The following NEGR1 variants were observed in gnomAD, a reference collection of about 807,000 sequenced individuals.
The protein encoded by NEGR1 is IgLON family member 4.
In NEGR1, 10 loss-of-function variants were observed where a neutral mutation model predicts 40.9. The observed-to-expected ratio is 0.24, with a 90% CI of 0.15 to 0.42. The LOEUF (loss-of-function observed/expected upper bound fraction) is 0.42, where lower values mean the gene tolerates loss of function less well. Ranked by LOEUF, NEGR1 falls within the 10% of genes least tolerant of loss-of-function variation. NEGR1 has a pLI of 1.00. For missense variants in NEGR1, 352 were observed against 438.9 expected (o/e 0.80, Z 1.77); for synonymous variants, 185 against 166.8 (o/e 1.11, Z -0.84).
intron 4 of NEGR1, among the ~76,000 whole-genome samples, chr1:71,646,225 T>C (rs915810880): frequency 4.0e-5 from 6 of 151,776 alleles, no homozygotes; most frequent in Non-Finnish European, 8.8e-5. Flanking sequence ...CATAAACACA[T>C]ATATATACAT....
chr1:71,834,561 G>A (rs1027920998), intron 2 of NEGR1, among the ~76,000 whole-genome samples: 1 of 151,384 alleles, frequency 6.6e-6, no homozygotes, highest in African/African-American at 2.4e-5. Context: ...GGCTCCACTG[G>A]ATATTATACT....
At chr1:71,445,781 C>T (rs1020790529) in intron 6 of NEGR1, among the ~76,000 whole-genome samples, 1 of 152,144 alleles carries the variant, frequency 6.6e-6, no homozygotes, top group Non-Finnish European at 1.5e-5. Context: ...AGAAGGCCAG[C>T]GGTCAAGTAC....
At chr1:71,873,852 G>A (rs1335989034) in intron 2 of NEGR1, among the ~76,000 whole-genome samples, 1 of 152,122 alleles carries the variant, frequency 6.6e-6, no homozygotes, top group Non-Finnish European at 1.5e-5. Flanking sequence ...AATCTCATCT[G>A]TATGACAGAA....
At chr1:71,701,202 C>G (rs1653680389) in intron 3 of NEGR1, among the ~76,000 whole-genome samples, 1 of 151,990 alleles carries the variant, frequency 6.6e-6, no homozygotes. Flanking sequence ...AAAATTAACA[C>G]AGTGTCTCAC....
intron 1 of NEGR1, among the ~76,000 whole-genome samples, chr1:71,968,155 G>T (rs1646225601): frequency 6.6e-6 from 1 of 152,032 alleles, no homozygotes; most frequent in Non-Finnish European, 1.5e-5. Context: ...TTTCCCTTCA[G>T]AAATGTAAAT....
At chr1:71,745,376 A>G (rs1050515338) in intron 3 of NEGR1, among the ~76,000 whole-genome samples, 1 of 152,158 alleles carries the variant, frequency 6.6e-6, no homozygotes, top group African/African-American at 2.4e-5. Context: ...AAAAACCCTG[A>G]GTTTTATAGT....
chr1:71,423,315 A>G (rs1005626514), intron 6 of NEGR1, among the ~76,000 whole-genome samples: 1 of 152,174 alleles, frequency 6.6e-6, no homozygotes, highest in African/African-American at 2.4e-5. Flanking sequence ...GGATTGCTTG[A>G]GCCCAGGAGG....
rs1553122231 is a variant in NEGR1, at chr1:71,928,365, C to CACATGTGTATATACGTAT, written c.409+6713_409+6714insATACGTATATACACATGT. On this transcript the variant is annotated intron_variant, in intron 2 of 6. Coordinates refer to ENST00000357731, the MANE Select transcript of NEGR1 (RefSeq NM_173808.3). ...ACACACATGTGTATATATATATACA[C>CACATGTGTATATACGTAT]ATATGTATATATGTATATATACACA... Among the ~76,000 whole-genome samples the CACATGTGTATATACGTAT allele has an allele frequency of 2.7e-5, 2 of 74,996 alleles. 1 individual carries two copies. Among genetic ancestry groups the CACATGTGTATATACGTAT allele is most frequent in the African/African-American group, 1.2e-4 (2 of 17,356 alleles). The allele number at this position is 74,996 out of a possible 152,430, so 49.2% of individuals were successfully genotyped here. A position where few individuals can be genotyped will look rare whatever the true frequency, so the allele number is the denominator to read the frequency against.
chr1:72,104,942 T>C (rs1175816110), intron 1 of NEGR1, among the ~76,000 whole-genome samples: 1 of 152,106 alleles, frequency 6.6e-6, no homozygotes, highest in Non-Finnish European at 1.5e-5. Flanking sequence ...GGCACTTTTT[T>C]TGTGCTAAGA....
chr1:71,910,998 T>G (rs1483025151), intron 2 of NEGR1, among the ~76,000 whole-genome samples: 1 of 152,126 alleles, frequency 6.6e-6, no homozygotes, highest in Admixed American at 6.6e-5. Flanking sequence ...ACTCCCAGCC[T>G]AGAGTCTTAG....
chr1:71,722,945 C>T lies in NEGR1; in HGVS notation c.536-24806G>A, dbSNP rs573594622. On this transcript the variant is annotated intron_variant, in intron 3 of 6. Transcript: ENST00000357731. ...TCCTACCTCCAGGCAACTACAGCTT[C>T]TTTTGTCATCCCACATTAGTTTGTT... Among the ~76,000 whole-genome samples the T allele has an allele frequency of 1.8e-3, 280 of 151,998 alleles. 2 individuals carry two copies. The highest frequency in any genetic ancestry group is 6.6e-3 in the African/African-American group (273 of 41,496).
chr1:72,087,152 G>A (rs1345455663), intron 1 of NEGR1, among the ~76,000 whole-genome samples: 8 of 152,146 alleles, frequency 5.3e-5, no homozygotes, highest in Non-Finnish European at 1.5e-5. Context: ...GGGCACAGTG[G>A]CTTACACCTG....
intron 4 of NEGR1, among the ~76,000 whole-genome samples, chr1:71,684,146 T>C (rs1019288420): frequency 4.6e-5 from 7 of 151,854 alleles, no homozygotes; most frequent in Non-Finnish European, 7.4e-5. Flanking sequence ...GGTGGGCGCC[T>C]GTAGTCCCAG....
intron 1 of NEGR1, among the ~76,000 whole-genome samples, chr1:72,001,637 C>A (rs1183841688): frequency 1.3e-5 from 2 of 148,888 alleles, no homozygotes; most frequent in African/African-American, 5.0e-5. Flanking sequence ...GATAGATGGG[C>A]AACTAGATAC....
At chr1:71,560,429 T>TTATATATATATATA (rs58813234) in intron 6 of NEGR1, among the ~76,000 whole-genome samples, 4,301 of 113,444 alleles carry the variant, frequency 0.038, 221 homozygotes, top group Middle Eastern at 0.05. Context: ...TAATTCTCCA[T>TTATATATATATATA]TATATATATA....
chr1:71,420,422 A>G (rs769220595), intron 6 of NEGR1, among the ~76,000 whole-genome samples: 3 of 152,064 alleles, frequency 2.0e-5, no homozygotes, highest in Non-Finnish European at 2.9e-5. Context: ...TGTGTTAGGC[A>G]TTGCACTCAT....
chr1:71,989,252 C>A (rs1276275470), intron 1 of NEGR1, among the ~76,000 whole-genome samples: 1 of 152,108 alleles, frequency 6.6e-6, no homozygotes, highest in African/African-American at 2.4e-5. Flanking sequence ...TACATGTAAA[C>A]CTAAACACTT....
chr1:71,401,382 T>C lies in NEGR1; in HGVS notation c.*6064A>G, dbSNP rs767680344. On this transcript the variant is annotated 3_prime_UTR_variant, in exon 7 of 7. Coordinates refer to ENST00000357731, the MANE Select transcript of NEGR1 (RefSeq NM_173808.3). The stretch of plus-strand genomic sequence containing the variant: ...CCTTTTATCTGGTTGTAATGTCTTA[T>C]CAGGTCCTTCATTAATGAATTAATT... 2.0e-5 allele frequency: 3 copies of C among 152,202 alleles called. No individual in the cohort carries two copies. Among genetic ancestry groups the C allele is most frequent in the Non-Finnish European group, 4.4e-5 (3 of 68,040 alleles). 9.4% of individuals were successfully genotyped at this position (152,202 alleles called of 1,614,324 possible).
chr1:71,749,584 T>G (rs1485946523), intron 3 of NEGR1, among the ~76,000 whole-genome samples: 2 of 152,158 alleles, frequency 1.3e-5, no homozygotes, highest in African/African-American at 4.8e-5. Flanking sequence ...CCCTTTCATT[T>G]GCTTGTGTGT....
Sources: allele counts gnomAD v4.1 joint callset (sites outside exome capture counted in the v4.1 genomes callset), GRCh38; gene constraint gnomAD v4.1.1; transcripts MANE v1.5; gene names NCBI Gene and HGNC (gene_info 2026-07-23, HGNC 2026-07-21).